Variants in GNA12 observed in about 807,000 individuals in gnomAD.
GNA12 encodes guanine nucleotide-binding protein subunit alpha-12.
Under a neutral mutation model 26.0 loss-of-function variants are expected in GNA12, and 9 were observed. The observed-to-expected ratio is 0.35, with a 90% CI of 0.21 to 0.60. The LOEUF (loss-of-function observed/expected upper bound fraction) is 0.60. Ranked by LOEUF, GNA12 falls within the 20% of genes least tolerant of loss-of-function variation. The pLI is 0.78. For synonymous variants in GNA12, 264 were observed against 219.6 expected, an observed-to-expected ratio of 1.20 and a Z score of -1.79; for missense variants, 405 against 525.8, an observed-to-expected ratio of 0.77 and a Z score of 2.25.
intron 2 of GNA12, among the ~76,000 whole-genome samples, chr7:2,770,506 A>C (rs1791920847): frequency 6.6e-6 from 1 of 152,138 alleles, no homozygotes; most frequent in Admixed American, 6.6e-5. Context: ...CTGTAGTCTC[A>C]GCTACCCAGG....
At position 2,753,457 on chromosome 7, in the gene GNA12, T is replaced by C. The variant is rs570076980; in HGVS notation, c.526-19956A>G. ...CTGGCAGCATGTGGCCTTTGGAAGT[T>C]GGCTTTTTTCACTCAACATAATGTC... On this transcript the variant is annotated intron_variant, in intron 2 of 3. Coordinates refer to ENST00000275364, the MANE Select transcript of GNA12 (RefSeq NM_007353.3). Among the ~76,000 whole-genome samples, 60 of 152,304 alleles carry C rather than the reference T, an allele frequency of 3.9e-4. No individual in the cohort carries two copies. The South Asian group carries it at 0.012, about 31-fold the overall frequency.
At chr7:2,823,567 T>C (rs1047851819) in intron 1 of GNA12, among the ~76,000 whole-genome samples, 2 of 152,218 alleles carry the variant, frequency 1.3e-5, no homozygotes, top group Non-Finnish European at 2.9e-5. Flanking sequence ...AGGCCAGTCG[T>C]TGCTTAAAAG....
At chr7:2,761,191 C>T (rs116170135) in intron 2 of GNA12, among the ~76,000 whole-genome samples, 1,861 of 152,264 alleles carry the variant, frequency 0.012, 48 homozygotes, top group African/African-American at 0.042. Context: ...CACGGCACTG[C>T]GCAAACAAGC....
intron 1 of GNA12, chr7:2,814,339 G>T: frequency 6.2e-7 from 1 of 1,600,386 alleles, no homozygotes; most frequent in Non-Finnish European, 8.6e-7. Context: ...CAATGAGTAG[G>T]TGCTCAAAAC....
intron 2 of GNA12, among the ~76,000 whole-genome samples, chr7:2,787,123 C>T (rs567641657): frequency 1.3e-5 from 2 of 152,258 alleles, no homozygotes; most frequent in East Asian, 3.9e-4. Context: ...CCCTGGGGCT[C>T]GCTCTTCCTC....
chr7:2,755,830 T>G (rs1470325754), intron 2 of GNA12, among the ~76,000 whole-genome samples: 2 of 152,236 alleles, frequency 1.3e-5, no homozygotes, highest in South Asian at 2.1e-4. Context: ...ATTTGAAACC[T>G]AAATAATTGG....
intron 2 of GNA12, among the ~76,000 whole-genome samples, chr7:2,774,619 A>G (rs1018206305): frequency 6.6e-6 from 1 of 152,208 alleles, no homozygotes; most frequent in Non-Finnish European, 1.5e-5. Flanking sequence ...GAATGCTTTA[A>G]TGATATAAGG....
In GNA12 at chr7:2,733,464, C is replaced by A; in HGVS notation, c.563G>T (p.Arg188Leu). The change falls in exon 3 of 4, where the codon CGG becomes CTG. Residue 188 changes from arginine to leucine, a missense_variant. Arg to Leu is a moderately radical substitution (Grantham distance 102). Transcript: ENST00000275364. ...SVKYFLDNLDRIGQLNYFPSK... is the reference protein window; with the variant it reads ...SVKYFLDNLDLIGQLNYFPSK... ...GTGCTTACTCACCAGCTGGCCGATCCGGTCCAAGTTGTCCAGGAAGTACTT... is the reference window on the plus strand; with the variant it reads ...GTGCTTACTCACCAGCTGGCCGATCAGGTCCAAGTTGTCCAGGAAGTACTT... 6.2e-7 allele frequency: 1 copy of A among 1,613,820 alleles called. No homozygotes were observed. Among genetic ancestry groups the A allele is most frequent in the Non-Finnish European group, 8.5e-7 (1 of 1,179,842 alleles).
chr7:2,793,867 G>C (rs184519908), intron 2 of GNA12, among the ~76,000 whole-genome samples: 2,536 of 137,852 alleles, frequency 0.018, 50 homozygotes, highest in Middle Eastern at 0.08. Context: ...GGGCAACAGC[G>C]CGAGACTCCA....
intron 2 of GNA12, among the ~76,000 whole-genome samples, chr7:2,779,385 C>A (rs772770686): frequency 2.6e-5 from 4 of 151,796 alleles, no homozygotes; most frequent in Non-Finnish European, 5.9e-5. Context: ...TGGTGCACAC[C>A]GGTAGTTCTA....
chr7:2,830,304 C>T (rs191296671), intron 1 of GNA12, among the ~76,000 whole-genome samples: 46 of 152,340 alleles, frequency 3.0e-4, no homozygotes, highest in African/African-American at 9.6e-4. Context: ...TCTTCCTCTG[C>T]TCCCAGTCTA....
chr7:2,843,772 G>A, intron 1 of GNA12, 81 bp downstream of exon 1: 1 of 677,032 alleles, frequency 1.5e-6, no homozygotes, highest in Non-Finnish European at 2.2e-6. Context: ...GCCCGCGGCG[G>A]CGGACCACGG....
At chr7:2,782,969 C>G (rs763846672) in intron 2 of GNA12, among the ~76,000 whole-genome samples, 25 of 152,268 alleles carry the variant, frequency 1.6e-4, no homozygotes, top group Non-Finnish European at 4.4e-5. Flanking sequence ...CTAGTTTGTT[C>G]TTTTAAACAT....
chr7:2,776,349 C>T (rs530377905), intron 2 of GNA12, among the ~76,000 whole-genome samples: 1 of 152,188 alleles, frequency 6.6e-6, no homozygotes, highest in Non-Finnish European at 1.5e-5. Context: ...AGACACTGCT[C>T]GGATCTGGAC....
At chr7:2,815,821 C>A (rs1583304839) in intron 1 of GNA12, among the ~76,000 whole-genome samples, 1 of 152,208 alleles carries the variant, frequency 6.6e-6, no homozygotes, top group African/African-American at 2.4e-5. Flanking sequence ...CTGATGACGT[C>A]CAATCCCAGA....
At chr7:2,802,746 G>C (rs1330649623) in intron 1 of GNA12, among the ~76,000 whole-genome samples, 2 of 152,152 alleles carry the variant, frequency 1.3e-5, no homozygotes, top group Non-Finnish European at 2.9e-5. Context: ...TAAAAGAAAC[G>C]CTGCCAGAAG....
At chr7:2,766,818 C>T (rs1422456730) in intron 2 of GNA12, among the ~76,000 whole-genome samples, 1 of 152,244 alleles carries the variant, frequency 6.6e-6, no homozygotes, top group Non-Finnish European at 1.5e-5. Flanking sequence ...TGGGTCTCTT[C>T]CTACTATATG....
chr7:2,769,971 C>T lies in GNA12; in HGVS notation c.525+24957G>A, dbSNP rs1317718138. ...TTTTTAAATCATGGGGGGGCAAGTA[C>T]TTTTTCAAAATTGCTTTTATAAAAT... On this transcript the variant is annotated intron_variant, in intron 2 of 3. Transcript: ENST00000275364. 8.6e-5 allele frequency among the ~76,000 whole-genome samples: 13 copies of T among 151,952 alleles called. No homozygotes were observed. The East Asian group carries it at 2.5e-3, about 29-fold the overall frequency.
At chr7:2,820,401 C>CTTTTTT (rs35674433) in intron 1 of GNA12, among the ~76,000 whole-genome samples, 22 of 126,348 alleles carry the variant, frequency 1.7e-4, no homozygotes, top group African/African-American at 6.0e-4. Flanking sequence ...CTCAATAAAG[C>CTTTTTT]TTTTTTTTTT....
Sources: gnomAD v4.1 joint callset for allele counts (sites outside exome capture counted in the v4.1 genomes callset) on GRCh38, gnomAD v4.1.1 for gene constraint, MANE v1.5 for transcripts, NCBI Gene and HGNC (gene_info 2026-07-23, HGNC 2026-07-21) for gene names.